Variants in PSD3 observed in about 807,000 individuals in gnomAD.
The protein encoded by PSD3 is PH and SEC7 domain-containing protein 3.
In PSD3, 49 loss-of-function variants were observed where a neutral mutation model predicts 105.5. The ratio of observed to expected loss-of-function variants is 0.46; its 90% CI spans 0.37 to 0.59. The LOEUF is 0.59. PSD3 is among the 20% of genes least tolerant of loss of function. PSD3 has a pLI of 0.00. For synonymous variants in PSD3, 557 were observed against 457.8 expected, an observed-to-expected ratio of 1.22 and a Z score of -2.77; for missense variants, 1,561 against 1,263.8, an observed-to-expected ratio of 1.24 and a Z score of -3.57.
chr8:18,755,034 T>A (rs1437278758), intron 9 of PSD3, among the ~76,000 whole-genome samples: 1 of 152,110 alleles, frequency 6.6e-6, no homozygotes, highest in African/African-American at 2.4e-5. Context: ...AAAAAGAGGA[T>A]AGCTTTTATT....
intron 1 of PSD3, among the ~76,000 whole-genome samples, chr8:19,030,451 G>A (rs564128141): frequency 6.6e-6 from 1 of 152,242 alleles, no homozygotes; most frequent in South Asian, 2.1e-4. Flanking sequence ...TGATCATGGG[G>A]TGAATGATCC....
chr8:18,910,052 C>T (rs1820103538), intron 2 of PSD3, among the ~76,000 whole-genome samples: 1 of 152,116 alleles, frequency 6.6e-6, no homozygotes. Flanking sequence ...AGAGTTCGCT[C>T]CCCTCCCTGA....
chr8:18,627,024 A>G (rs1408077060), intron 11 of PSD3, among the ~76,000 whole-genome samples: 1 of 150,902 alleles, frequency 6.6e-6, no homozygotes, highest in Non-Finnish European at 1.5e-5. Context: ...AAGAAACAGT[A>G]ACTGCTATAG....
intron 1 of PSD3, among the ~76,000 whole-genome samples, chr8:18,971,332 T>A (rs952090434): frequency 3.3e-5 from 5 of 152,030 alleles, no homozygotes; most frequent in African/African-American, 1.2e-4. Context: ...GCTGACCGAG[T>A]CACTGCAGCC....
chr8:19,049,794 T>G (rs1031272679), intron 1 of PSD3, among the ~76,000 whole-genome samples: 2 of 151,844 alleles, frequency 1.3e-5, no homozygotes, highest in African/African-American at 4.8e-5. Flanking sequence ...CTCGGCCTCC[T>G]GAGCCTGCAT....
At chr8:18,664,737 C>T (rs1182357534) in intron 9 of PSD3, among the ~76,000 whole-genome samples, 1 of 152,172 alleles carries the variant, frequency 6.6e-6, no homozygotes, top group Non-Finnish European at 1.5e-5. Context: ...CAATGCCTGG[C>T]TTCAAAGCTT....
intron 2 of PSD3, among the ~76,000 whole-genome samples, chr8:18,918,021 A>T (rs1463568724): frequency 6.6e-6 from 1 of 152,238 alleles, no homozygotes; most frequent in Non-Finnish European, 1.5e-5. Flanking sequence ...TCCTACTTCC[A>T]GAATGATTTC....
intron 9 of PSD3, among the ~76,000 whole-genome samples, chr8:18,684,474 T>C (rs1486393610): frequency 6.6e-6 from 1 of 152,112 alleles, no homozygotes; most frequent in African/African-American, 2.4e-5. Context: ...AAAATATGGA[T>C]GGACGTCAAA....
chr8:19,062,225 G>A (rs1312152416), intron 1 of PSD3, among the ~76,000 whole-genome samples: 1 of 152,208 alleles, frequency 6.6e-6, no homozygotes, highest in African/African-American at 2.4e-5. Flanking sequence ...TTAGAGGGAT[G>A]TTTGAATAGC....
At position 18,529,096 on chromosome 8, in the gene PSD3, C is replaced by T. The variant is rs1799535101; in HGVS notation, c.*6647G>A. On this transcript the variant is annotated 3_prime_UTR_variant, in exon 16 of 16. Coordinates refer to ENST00000327040, the MANE Select transcript of PSD3 (RefSeq NM_015310.4). ...TGATCTGCAGAGCAAGCAGCTCTGC[C>T]ACCTTGGAAAATGATGCACACCAGC... is the stretch of plus-strand genomic sequence containing the variant. The T allele has an allele frequency of 6.6e-6, 1 of 152,166 alleles. No homozygotes were observed. The highest frequency in any genetic ancestry group is 2.4e-5 in the African/African-American group (1 of 41,448). 9.4% of individuals were successfully genotyped at this position (152,166 alleles called of 1,614,324 possible).
At chr8:18,599,222 C>T (rs1163548547) in intron 12 of PSD3, among the ~76,000 whole-genome samples, 1 of 152,012 alleles carries the variant, frequency 6.6e-6, no homozygotes, top group African/African-American at 2.4e-5. Flanking sequence ...ATGCATAGAC[C>T]AACAGAATGG....
At chr8:18,612,096 A>G (rs1805309765) in intron 11 of PSD3, among the ~76,000 whole-genome samples, 1 of 152,212 alleles carries the variant, frequency 6.6e-6, no homozygotes, top group Non-Finnish European at 1.5e-5. Flanking sequence ...AAGAAAAATA[A>G]CTAAATTATT....
intron 1 of PSD3, among the ~76,000 whole-genome samples, chr8:18,991,343 C>T (rs1237476797): frequency 4.5e-5 from 4 of 89,886 alleles, no homozygotes; most frequent in African/African-American, 1.5e-4. Context: ...AGAAAACACA[C>T]ACACACACAT....
At chr8:18,561,462 G>A (rs1444301858) in intron 14 of PSD3, among the ~76,000 whole-genome samples, 1 of 152,114 alleles carries the variant, frequency 6.6e-6, no homozygotes, top group South Asian at 2.1e-4. Flanking sequence ...GTTACCAGAG[G>A]CTGGGGGCAA....
chr8:18,874,203 C>G (rs926614155), intron 2 of PSD3, among the ~76,000 whole-genome samples: 2 of 151,856 alleles, frequency 1.3e-5, no homozygotes, highest in African/African-American at 2.4e-5. Flanking sequence ...CACTCTGTTT[C>G]CAGGCTGGAG....
chr8:18,847,794 G>A (rs374199095), intron 4 of PSD3, among the ~76,000 whole-genome samples: 1 of 152,164 alleles, frequency 6.6e-6, no homozygotes, highest in African/African-American at 2.4e-5. Flanking sequence ...CAAACACAAG[G>A]CTACCCTGGG....
At chr8:19,015,442 C>G (rs1446950203), upstream of PSD3, among the ~76,000 whole-genome samples, 1 of 152,204 alleles carries the variant, frequency 6.6e-6, no homozygotes, top group Admixed American at 6.5e-5. Context: ...CGTACATACC[C>G]TACAGAGACA....
At position 18,635,132 on chromosome 8, in the gene PSD3, G is replaced by A. The variant is rs180944233; in HGVS notation, c.2217-2326C>T. Among the ~76,000 whole-genome samples, 1,094 of 152,240 alleles carry A rather than the reference G, an allele frequency of 7.2e-3. 6 individuals carry two copies. Among genetic ancestry groups the A allele is most frequent in the Non-Finnish European group, 0.011 (780 of 68,012 alleles). On this transcript the variant is annotated intron_variant, in intron 10 of 15. Coordinates refer to ENST00000327040, the MANE Select transcript of PSD3 (RefSeq NM_015310.4). ...ATTTTTGCAGCTTTGGCCATTGGGA[G>A]TTATAATAAGGTGTGCTCCTATGTC...
intron 1 of PSD3, among the ~76,000 whole-genome samples, chr8:18,962,515 A>C (rs1422451394): frequency 3.3e-5 from 5 of 152,198 alleles, no homozygotes; most frequent in Non-Finnish European, 7.3e-5. Flanking sequence ...AAAAAATGGC[A>C]AACTATATTG....
Sources: gnomAD v4.1 joint callset for allele counts (sites outside exome capture counted in the v4.1 genomes callset) on GRCh38, gnomAD v4.1.1 for gene constraint, MANE v1.5 for transcripts, NCBI Gene and HGNC (gene_info 2026-07-23, HGNC 2026-07-21) for gene names.